The following KHDRBS2 variants were observed in gnomAD, a reference collection of about 807,000 sequenced individuals.
KHDRBS2 encodes the protein KH RNA binding domain containing, signal transduction associated 2.
In KHDRBS2, 26 loss-of-function variants were observed where a neutral mutation model predicts 44.3. That is an observed-to-expected ratio of 0.59 (90% CI 0.43 to 0.81). KHDRBS2 has a LOEUF of 0.81. Ranked by LOEUF, KHDRBS2 falls within the 40% of genes least tolerant of loss-of-function variation. The pLI, the probability that KHDRBS2 is intolerant of heterozygous loss-of-function variation, is 0.00. For missense variants in KHDRBS2, 476 were observed against 433.1 expected (o/e 1.10, Z -0.88); for synonymous variants, 194 against 151.1 (o/e 1.28, Z -2.08).
intron 5 of KHDRBS2, 110 bp downstream of exon 5, chr6:61,901,134 A>G (rs1277554240): frequency 1.0e-6 from 1 of 977,356 alleles, no homozygotes. Flanking sequence ...CTGTGGTGGT[A>G]GTGATTGTGG....
chr6:61,991,078 A>T (rs1280004118), intron 3 of KHDRBS2, among the ~76,000 whole-genome samples: 2 of 152,156 alleles, frequency 1.3e-5, no homozygotes, highest in East Asian at 3.9e-4. Context: ...ATTATAGTAT[A>T]ATAAGGTGAT....
the KHDRBS2 span, among the ~76,000 whole-genome samples, chr6:61,614,207 C>T: frequency 6.6e-6 from 1 of 152,044 alleles, no homozygotes. Context: ...GTCTATTAAA[C>T]ATGTTGTGGT....
At chr6:61,555,264 G>A in the KHDRBS2 span, among the ~76,000 whole-genome samples, 1 of 152,002 alleles carries the variant, frequency 6.6e-6, no homozygotes, top group South Asian at 2.1e-4. Context: ...CAGGTTTGGA[G>A]CTCTGAGATG....
intron 6 of KHDRBS2, among the ~76,000 whole-genome samples, chr6:61,837,813 A>G (rs1304136422): frequency 6.6e-6 from 1 of 152,032 alleles, no homozygotes; most frequent in Non-Finnish European, 1.5e-5. Context: ...ACACCTGCAT[A>G]CCATCCAAAC....
At chr6:62,150,000 T>A (rs2150104616) in intron 2 of KHDRBS2, among the ~76,000 whole-genome samples, 1 of 152,306 alleles carries the variant, frequency 6.6e-6, no homozygotes, top group South Asian at 2.1e-4. Context: ...TGAAATGAGA[T>A]AAATGTAAAA....
chr6:62,030,739 TA>T (rs1006888082), intron 3 of KHDRBS2, among the ~76,000 whole-genome samples: 2 of 152,052 alleles, frequency 1.3e-5, no homozygotes, highest in Admixed American at 1.3e-4. Flanking sequence ...ATTAAAATAA[TA>T]AAAAAGATTA....
At chr6:62,158,338 G>A (rs1264969315) in intron 2 of KHDRBS2, among the ~76,000 whole-genome samples, 1 of 152,134 alleles carries the variant, frequency 6.6e-6, no homozygotes, top group East Asian at 1.9e-4. Context: ...TGCCAGGTAT[G>A]TACATAAATG....
chr6:61,756,134 G>C (rs1456659476), intron 6 of KHDRBS2, among the ~76,000 whole-genome samples: 1 of 152,128 alleles, frequency 6.6e-6, no homozygotes, highest in Non-Finnish European at 1.5e-5. Context: ...TTCTAAACCA[G>C]ACATATTGTT....
chr6:61,938,674 G>A (rs1171179178), intron 4 of KHDRBS2, among the ~76,000 whole-genome samples: 1 of 152,106 alleles, frequency 6.6e-6, no homozygotes, highest in Non-Finnish European at 1.5e-5. Context: ...GATTGCTAAG[G>A]GGAGTGGAAA....
At chr6:61,583,500 T>C in the KHDRBS2 span, among the ~76,000 whole-genome samples, 1 of 151,746 alleles carries the variant, frequency 6.6e-6, no homozygotes. Flanking sequence ...AATGAATTAC[T>C]TTGACATCAT....
At chr6:62,119,856 C>A (rs1322197452) in intron 2 of KHDRBS2, among the ~76,000 whole-genome samples, 4 of 152,186 alleles carry the variant, frequency 2.6e-5, no homozygotes, top group Non-Finnish European at 5.9e-5. Context: ...TCCTCAGGAA[C>A]TACCCCCAAC....
At chr6:62,216,696 C>CTTTTTT (rs562340356) in intron 1 of KHDRBS2, among the ~76,000 whole-genome samples, 62 of 140,114 alleles carry the variant, frequency 4.4e-4, no homozygotes, top group African/African-American at 1.4e-3. Context: ...TCTTTCTCCT[C>CTTTTTT]TTTTTTTTTT....
chr6:61,877,212 C>T (rs1322927137), intron 6 of KHDRBS2, among the ~76,000 whole-genome samples: 2 of 151,884 alleles, frequency 1.3e-5, no homozygotes, highest in African/African-American at 4.8e-5. Flanking sequence ...GTCTCACATA[C>T]GCTCTAAATT....
At chr6:62,024,286 G>T (rs1782890030) in intron 3 of KHDRBS2, among the ~76,000 whole-genome samples, 1 of 151,378 alleles carries the variant, frequency 6.6e-6, no homozygotes, top group Non-Finnish European at 1.5e-5. Flanking sequence ...GAATGAGAAT[G>T]ATAAAATGAA....
intron 1 of KHDRBS2, among the ~76,000 whole-genome samples, chr6:62,196,456 C>G (rs1405821804): frequency 6.6e-6 from 1 of 152,104 alleles, no homozygotes; most frequent in Non-Finnish European, 1.5e-5. Context: ...CAGTTCTGTA[C>G]AGTACTACAA....
At chr6:61,779,538 A>G (rs1227187399) in intron 6 of KHDRBS2, among the ~76,000 whole-genome samples, 2 of 152,172 alleles carry the variant, frequency 1.3e-5, no homozygotes, top group Non-Finnish European at 2.9e-5. Context: ...CCTTAAATGG[A>G]TTAAATTGGA....
At position 62,054,284 on chromosome 6, in the gene KHDRBS2, C is replaced by T. The variant is rs182427706; in HGVS notation, c.220-6290G>A. ...CCACATATCAAGATTCATCATAAAC[C>T]TGTGTTAATTATGACAGTATGAAGC... On this transcript the variant is annotated intron_variant, in intron 2 of 8. Coordinates refer to ENST00000281156, the MANE Select transcript of KHDRBS2 (RefSeq NM_152688.4). Among the ~76,000 whole-genome samples the T allele has an allele frequency of 1.7e-3, 256 of 152,108 alleles. 1 individual carries two copies. Among genetic ancestry groups the T allele is most frequent in the African/African-American group, 5.8e-3 (239 of 41,524 alleles).
At chr6:61,694,747 C>G (rs952964770) in intron 8 of KHDRBS2, among the ~76,000 whole-genome samples, 2 of 152,068 alleles carry the variant, frequency 1.3e-5, no homozygotes, top group African/African-American at 4.8e-5. Flanking sequence ...ATGCCTTTGA[C>G]CCCTTCCTTC....
At chr6:62,280,845 G>C (rs1841693339) in intron 1 of KHDRBS2, among the ~76,000 whole-genome samples, 1 of 152,150 alleles carries the variant, frequency 6.6e-6, no homozygotes, top group South Asian at 2.1e-4. Flanking sequence ...AGAGCATTTG[G>C]GTCAAGGATA....
Sources: allele counts gnomAD v4.1 joint callset (sites outside exome capture counted in the v4.1 genomes callset), GRCh38; gene constraint gnomAD v4.1.1; transcripts MANE v1.5; gene names NCBI Gene and HGNC (gene_info 2026-07-23, HGNC 2026-07-21).